Variants in ST8SIA6 observed in about 807,000 individuals in gnomAD.
ST8SIA6 encodes ST8 alpha-N-acetyl-neuraminide alpha-2,8-sialyltransferase 6.
ST8SIA6 carries 39 observed loss-of-function variants against 33.6 expected under a neutral mutation model. The observed-to-expected ratio is 1.16, with a 90% CI of 0.90 to 1.52. ST8SIA6 has a LOEUF of 1.52. Among genes scored for constraint, ST8SIA6 ranks in the 40% most tolerant of loss-of-function variants. ST8SIA6 has a pLI of 0.00. For missense variants in ST8SIA6, 441 were observed against 443.8 expected, an observed-to-expected ratio of 0.99 and a Z score of 0.06; for synonymous variants, 172 against 167.2, an observed-to-expected ratio of 1.03 and a Z score of -0.22.
chr10:17,376,892 G>T (rs1192029621), intron 3 of ST8SIA6, among the ~76,000 whole-genome samples: 1 of 152,116 alleles, frequency 6.6e-6, no homozygotes, highest in Non-Finnish European at 1.5e-5. Flanking sequence ...AGTCAAAGAA[G>T]TTAAAATAGG....
At chr10:17,333,715 ATATT>A (rs1848405468) in intron 4 of ST8SIA6, among the ~76,000 whole-genome samples, 9 of 35,408 alleles carry the variant, frequency 2.5e-4, no homozygotes, top group Middle Eastern at 0.023. Flanking sequence ...ATATATATAT[ATATT>A]TTTTTTTTTT....
Position 17,316,581 on chromosome 10 carries a change from C to T in ST8SIA6, c.*4297G>A, listed in dbSNP as rs548017221. Among the ~76,000 whole-genome samples the T allele has an allele frequency of 1.3e-5, 2 of 152,208 alleles. No individual in the cohort carries two copies. The highest frequency in any genetic ancestry group is 3.9e-4 in the East Asian group (2 of 5,188). ...TATGATGAATTTTACTAACTCAGTA[C>T]TCCTAGGTTGCTTTCCAAAATGATT... On this transcript the variant is annotated 3_prime_UTR_variant, in exon 8 of 8. Transcript: ENST00000377602.
intron 3 of ST8SIA6, among the ~76,000 whole-genome samples, chr10:17,373,090 C>T (rs1332316970): frequency 6.6e-6 from 1 of 152,182 alleles, no homozygotes; most frequent in Non-Finnish European, 1.5e-5. Flanking sequence ...TTTCTAAACT[C>T]CCTAACAGGA....
In ST8SIA6 at chr10:17,382,382, C is replaced by T. The variant is rs141991491; in HGVS notation, c.290+8149G>A. Among the ~76,000 whole-genome samples, 934 of 152,224 alleles carry T rather than the reference C, an allele frequency of 6.1e-3. 5 individuals carry two copies. Among genetic ancestry groups the T allele is most frequent in the Middle Eastern group, 0.014 (4 of 294 alleles). ...CCAGGTTCAAGCAGTTCTCCTGCCT[C>T]GGCCTCCAGAGTAGCTGGGACTACA... On this transcript the variant is annotated intron_variant, in intron 3 of 7. Coordinates refer to ENST00000377602, the MANE Select transcript of ST8SIA6 (RefSeq NM_001004470.3).
chr10:17,438,565 C>T (rs1665382744), intron 2 of ST8SIA6, among the ~76,000 whole-genome samples: 2 of 152,160 alleles, frequency 1.3e-5, no homozygotes, highest in Non-Finnish European at 2.9e-5. Context: ...ACATTCAGGA[C>T]TCAAAGACTG....
intron 3 of ST8SIA6, among the ~76,000 whole-genome samples, chr10:17,373,452 G>C (rs961955535): frequency 5.3e-5 from 8 of 152,066 alleles, no homozygotes; most frequent in African/African-American, 1.9e-4. Flanking sequence ...CAGACCCTGC[G>C]AGGCATAAAA....
chr10:17,345,121 C>A (rs1204861787), intron 4 of ST8SIA6, among the ~76,000 whole-genome samples: 1 of 152,140 alleles, frequency 6.6e-6, no homozygotes, highest in South Asian at 2.1e-4. Flanking sequence ...AAGAGCTGGG[C>A]TAGGCCAGGC....
intron 2 of ST8SIA6, among the ~76,000 whole-genome samples, chr10:17,398,064 T>C (rs975539842): frequency 6.6e-6 from 1 of 152,152 alleles, no homozygotes; most frequent in East Asian, 1.9e-4. Flanking sequence ...CAGTGGCTCA[T>C]GCCTGTAATC....
chr10:17,371,628 T>C (rs1564427356), intron 3 of ST8SIA6, among the ~76,000 whole-genome samples: 1 of 151,248 alleles, frequency 6.6e-6, no homozygotes, highest in Admixed American at 6.6e-5. Context: ...CGACTAAAAA[T>C]ACAAAAAGTT....
intron 2 of ST8SIA6, among the ~76,000 whole-genome samples, chr10:17,411,455 T>A (rs140888602): frequency 0.029 from 4,382 of 152,268 alleles, 65 homozygotes; most frequent in South Asian, 0.055. Flanking sequence ...AGTGCTGGGA[T>A]TACAGGCATG....
chr10:17,322,094 C>CAGAG (rs10544183), intron 7 of ST8SIA6, among the ~76,000 whole-genome samples: 53 of 134,448 alleles, frequency 3.9e-4, no homozygotes, highest in Non-Finnish European at 6.8e-4. Context: ...CAAAGAGAGA[C>CAGAG]AGAGAGAGAG....
chr10:17,405,103 A>G (rs1417832765), intron 2 of ST8SIA6, among the ~76,000 whole-genome samples: 1 of 152,246 alleles, frequency 6.6e-6, no homozygotes, highest in African/African-American at 2.4e-5. Flanking sequence ...AACTGGTTAT[A>G]ACACCTTTCC....
intron 5 of ST8SIA6, among the ~76,000 whole-genome samples, chr10:17,330,483 C>T (rs1046950051): frequency 3.3e-5 from 5 of 152,092 alleles, no homozygotes; most frequent in Admixed American, 2.6e-4. Flanking sequence ...TATTTTTTCT[C>T]TATCATTTTC....
At chr10:17,364,359 G>T (rs1412430682) in intron 3 of ST8SIA6, among the ~76,000 whole-genome samples, 2 of 152,072 alleles carry the variant, frequency 1.3e-5, no homozygotes, top group Non-Finnish European at 2.9e-5. Context: ...TGACTTTATG[G>T]TAACTGGTAT....
At chr10:17,446,038 T>TAA (rs559392551) in intron 2 of ST8SIA6, among the ~76,000 whole-genome samples, 62 of 147,950 alleles carry the variant, frequency 4.2e-4, no homozygotes, top group African/African-American at 1.5e-3. Flanking sequence ...TTATCACAAT[T>TAA]AAAAAAAAAA....
intron 4 of ST8SIA6, among the ~76,000 whole-genome samples, chr10:17,348,824 C>A (rs1011540886): frequency 6.8e-6 from 1 of 146,278 alleles, no homozygotes. Context: ...CTTCACCCAG[C>A]AGAATCTCAA....
intron 2 of ST8SIA6, among the ~76,000 whole-genome samples, chr10:17,440,557 T>C (rs1265068844): frequency 6.6e-6 from 1 of 152,192 alleles, no homozygotes; most frequent in Non-Finnish European, 1.5e-5. Flanking sequence ...CCTCAAGGTC[T>C]TAGGGCTATC....
At chr10:17,359,028 A>T (rs1272168294) in intron 4 of ST8SIA6, among the ~76,000 whole-genome samples, 1 of 152,208 alleles carries the variant, frequency 6.6e-6, no homozygotes, top group African/African-American at 2.4e-5. Context: ...TGGTTTTGCC[A>T]GTTGACACCT....
intron 3 of ST8SIA6, among the ~76,000 whole-genome samples, chr10:17,359,923 A>T (rs1849328208): frequency 6.6e-6 from 1 of 152,158 alleles, no homozygotes; most frequent in Admixed American, 6.5e-5. Flanking sequence ...ATATTTATAG[A>T]TGTTTTATAG....
Sources: allele counts gnomAD v4.1 joint callset (sites outside exome capture counted in the v4.1 genomes callset), GRCh38; gene constraint gnomAD v4.1.1; transcripts MANE v1.5; gene names NCBI Gene and HGNC (gene_info 2026-07-23, HGNC 2026-07-21).